The following WWOX variants were observed in gnomAD, a reference collection of about 807,000 sequenced individuals.
WWOX encodes WW domain containing oxidoreductase.
In WWOX, 69 loss-of-function variants were observed where a neutral mutation model predicts 46.2. The observed-to-expected ratio is 1.49, with a 90% CI of 1.23 to 1.82. The LOEUF (loss-of-function observed/expected upper bound fraction) is 1.82. Ranked by LOEUF, WWOX falls within the 40% of genes most tolerant of loss-of-function variation. WWOX has a pLI of 0.00. For missense variants in WWOX, 919 were observed against 542.6 expected, an observed-to-expected ratio of 1.69 and a Z score of -6.89; for synonymous variants, 359 against 202.6, an observed-to-expected ratio of 1.77 and a Z score of -6.56.
intron 8 of WWOX, among the ~76,000 whole-genome samples, chr16:78,675,473 C>A (rs1379233915): frequency 6.6e-6 from 1 of 152,038 alleles, no homozygotes; most frequent in Non-Finnish European, 1.5e-5. Flanking sequence ...ATGGGCCTTG[C>A]CATGTTCCAG....
intron 8 of WWOX, among the ~76,000 whole-genome samples, chr16:78,790,462 A>G (rs79165084): frequency 0.023 from 3,463 of 152,254 alleles, 131 homozygotes; most frequent in African/African-American, 0.079. Context: ...GTCTACACAC[A>G]GTGAACTTAA....
chr16:78,118,968 A>C (rs1333464995), intron 4 of WWOX: 1 of 152,108 alleles, frequency 6.6e-6, no homozygotes, highest in Non-Finnish European at 1.5e-5. Flanking sequence ...TCTGAACCTG[A>C]AGAACTTTGT....
At chr16:78,683,564 A>T (rs1475773774) in intron 8 of WWOX, among the ~76,000 whole-genome samples, 1 of 151,556 alleles carries the variant, frequency 6.6e-6, no homozygotes, top group African/African-American at 2.4e-5. Context: ...AAAATAATAA[A>T]AAAAAAATTA....
intron 4 of WWOX, among the ~76,000 whole-genome samples, chr16:78,125,767 C>T (rs1236509718): frequency 6.6e-6 from 1 of 152,112 alleles, no homozygotes; most frequent in Non-Finnish European, 1.5e-5. Context: ...GATTGTAAAA[C>T]AAACATTAAG....
intron 8 of WWOX, among the ~76,000 whole-genome samples, chr16:78,636,705 A>G (rs1295804922): frequency 1.3e-5 from 2 of 152,174 alleles, no homozygotes; most frequent in Non-Finnish European, 2.9e-5. Flanking sequence ...TGTGTGAACA[A>G]AAACAGGCAA....
chr16:78,629,012 C>A (rs972850706), intron 8 of WWOX, among the ~76,000 whole-genome samples: 4 of 152,174 alleles, frequency 2.6e-5, no homozygotes, highest in African/African-American at 9.7e-5. Context: ...TCCCTTGAAC[C>A]CGTTCCAAAA....
At chr16:78,295,495 T>A (rs1281251800) in intron 5 of WWOX, among the ~76,000 whole-genome samples, 1 of 152,198 alleles carries the variant, frequency 6.6e-6, no homozygotes, top group Admixed American at 6.5e-5. Flanking sequence ...GTGGATCACC[T>A]GAAGTCAGGA....
chr16:78,701,066 C>A (rs879451907), intron 8 of WWOX, among the ~76,000 whole-genome samples: 1 of 152,122 alleles, frequency 6.6e-6, no homozygotes. Context: ...TTTTCAACCT[C>A]TCTGTGCTTA....
At chr16:78,617,544 GC>G (rs1483516980) in intron 8 of WWOX, among the ~76,000 whole-genome samples, 6 of 152,128 alleles carry the variant, frequency 3.9e-5, no homozygotes, top group African/African-American at 1.4e-4. Context: ...ACATAAAGAA[GC>G]ACCCACGTCT....
At position 78,123,428 on chromosome 16, in the gene WWOX, G is replaced by GTTTTTTTTTTT. The variant is rs1330107026; in HGVS notation, c.409+8280_409+8281insTTTTTTTTTTT. The GTTTTTTTTTTT allele has an allele frequency of 6.5e-5, 4 of 61,080 alleles. 1 individual carries two copies. Among genetic ancestry groups the GTTTTTTTTTTT allele is most frequent in the Non-Finnish European group, 1.4e-4 (4 of 27,592 alleles). 3.8% of individuals were successfully genotyped at this position (61,080 alleles called of 1,614,324 possible). ...TTGGTGACCCTATGTTTTTTTCTTTGTTTTTTGTTTTGTTTTTTTTTTTTT... is the reference window on the plus strand; with the variant it reads ...TTGGTGACCCTATGTTTTTTTCTTTGTTTTTTTTTTTTTTTTTGTTTTGTTTTTTTTTTTTT... On this transcript the variant is annotated intron_variant, in intron 4 of 8. Transcript: ENST00000566780.
intron 5 of WWOX, among the ~76,000 whole-genome samples, chr16:78,213,544 C>T (rs2036626137): frequency 6.6e-6 from 1 of 151,718 alleles, no homozygotes; most frequent in Non-Finnish European, 1.5e-5. Flanking sequence ...CGAATGGCAT[C>T]TATTTTTAAT....
At position 78,432,536 on chromosome 16, in the gene WWOX, C is replaced by G. The variant is rs772356641; in HGVS notation, c.840C>G (p.Leu280=). Residue 280 remains leucine (L), a synonymous_variant, in exon 8 of 9, where the codon CTC becomes CTG. Coordinates refer to ENST00000566780, the MANE Select transcript of WWOX (RefSeq NM_016373.4). Reference sequence around the variant, plus strand: ...TGGGAAAACTGGACTTCAGTCGCCTCTCTCCAACAAAAAACGACTATTGGG... The same window carrying G: ...TGGGAAAACTGGACTTCAGTCGCCTGTCTCCAACAAAAAACGACTATTGGG... ...DSLGKLDFSR[L]SPTKNDYWAM... is the part of the protein sequence containing the mutation. 8.1e-6 allele frequency: 13 copies of G among 1,614,006 alleles called. No homozygotes were observed. In the African/African-American group the frequency reaches 1.1e-4, roughly 13 times the overall value.
intron 8 of WWOX, among the ~76,000 whole-genome samples, chr16:78,931,884 G>C (rs2045631229): frequency 6.6e-6 from 1 of 152,166 alleles, no homozygotes; most frequent in Non-Finnish European, 1.5e-5. Context: ...TTGGATCATG[G>C]GGGTGGGTCT....
chr16:78,841,619 T>G (rs1452128807), intron 8 of WWOX, among the ~76,000 whole-genome samples: 1 of 152,262 alleles, frequency 6.6e-6, no homozygotes, highest in Admixed American at 6.5e-5. Flanking sequence ...GAGAATACAT[T>G]AACAAAACTC....
chr16:78,733,427 C>T (rs552892423), intron 8 of WWOX, among the ~76,000 whole-genome samples: 4 of 152,054 alleles, frequency 2.6e-5, no homozygotes, highest in African/African-American at 9.6e-5. Context: ...TGCACTCCAG[C>T]CTAAGCAACA....
chr16:78,926,784 G>C (rs2045508405), intron 8 of WWOX, among the ~76,000 whole-genome samples: 1 of 152,018 alleles, frequency 6.6e-6, no homozygotes, highest in Admixed American at 6.6e-5. Flanking sequence ...CTGAGTGCCA[G>C]TTTGTTTTTT....
intron 8 of WWOX, among the ~76,000 whole-genome samples, chr16:78,949,309 C>T (rs948808698): frequency 6.6e-6 from 1 of 152,110 alleles, no homozygotes; most frequent in African/African-American, 2.4e-5. Context: ...TGACTAGATA[C>T]GTTTTTTTAA....
intron 8 of WWOX, among the ~76,000 whole-genome samples, chr16:78,672,071 T>A (rs939341142): frequency 6.6e-6 from 1 of 152,194 alleles, no homozygotes; most frequent in Non-Finnish European, 1.5e-5. Flanking sequence ...TTAAAAAGCA[T>A]TCTGTTATCT....
chr16:78,172,881 G>A (rs2035208956), intron 5 of WWOX, among the ~76,000 whole-genome samples: 1 of 152,212 alleles, frequency 6.6e-6, no homozygotes, highest in African/African-American at 2.4e-5. Flanking sequence ...ATGGCTGAAA[G>A]GCCTGCTTTT....
Sources: allele counts gnomAD v4.1 joint callset (sites outside exome capture counted in the v4.1 genomes callset), GRCh38; gene constraint gnomAD v4.1.1; transcripts MANE v1.5; gene names NCBI Gene and HGNC (gene_info 2026-07-23, HGNC 2026-07-21).